ASB18: variants seen among roughly 807,000 people sequenced by gnomAD.
The protein encoded by ASB18 is ankyrin repeat and SOCS box protein 18.
Under a neutral mutation model 33.4 loss-of-function variants are expected in ASB18, and 33 were observed. That is an observed-to-expected ratio of 0.99 (90% CI 0.75 to 1.32). The LOEUF is 1.32. Ranked by LOEUF, ASB18 falls within the 40% of genes most tolerant of loss-of-function variation. The pLI is 0.00. For synonymous variants in ASB18, 295 were observed against 307.6 expected (o/e 0.96, Z 0.43); for missense variants, 694 against 655.5 (o/e 1.06, Z -0.64).
rs1448525717 is a variant in ASB18, at chr2:236,244,415, T to C, written c.206-3013A>G. Among the ~76,000 whole-genome samples the C allele has an allele frequency of 6.6e-6, 1 of 152,160 alleles. No homozygotes were observed. Among genetic ancestry groups the C allele is most frequent in the Non-Finnish European group, 1.5e-5 (1 of 68,028 alleles). The stretch of plus-strand genomic sequence containing the variant: ...AGCCAGTGTTAGACCTGGGGACCCA[T>C]GGGATCCCATCCCCACATGGTGTTG... On this transcript the variant is annotated intron_variant, in intron 1 of 5. Transcript: ENST00000409749. This position sits in a 1 kb window ranked among gnomAD's most constrained non-coding sequence, Gnocchi z 6.1.
chr2:236,195,055 C>T lies in ASB18; in HGVS notation c.1218G>A (p.Met406Ile). 6.2e-7 allele frequency: 1 copy of T among 1,606,370 alleles called. No individual in the cohort carries two copies. Among genetic ancestry groups the T allele is most frequent in the Non-Finnish European group, 8.5e-7 (1 of 1,175,168 alleles). The change falls in exon 6 of 6, where the codon ATG (methionine) becomes ATA (isoleucine). Residue 406 changes from methionine to isoleucine, a missense_variant and splice_region_variant. By Grantham distance (10) the Met-to-Ile change is conservative. Transcript: ENST00000409749. The surrounding 1 kb of genome is among the most constrained non-coding windows in gnomAD (Gnocchi z 5.5). ...KEVIPEEVFQMHKPFYQSLFA... is the reference protein window; with the variant it reads ...KEVIPEEVFQIHKPFYQSLFA... The stretch of plus-strand genomic sequence containing the variant: ...AGAGGGACTGGTAGAACGGCTTGTG[C>T]ATCTGGAAGGGAAGGCAGGTGGATT...
Position 236,259,994 on chromosome 2 carries a change from A to G in ASB18, c.205+4147T>C, listed in dbSNP as rs912582420. Among the ~76,000 whole-genome samples the G allele has an allele frequency of 6.6e-6, 1 of 152,166 alleles. No homozygotes were observed. Among genetic ancestry groups the G allele is most frequent in the Admixed American group, 6.5e-5 (1 of 15,280 alleles). On this transcript the variant is annotated intron_variant, in intron 1 of 5. Transcript: ENST00000409749. The surrounding 1 kb of genome is among the most constrained non-coding windows in gnomAD (Gnocchi z 4.4). ...TATGCTTTTTTTTGGTGATGTTGAC[A>G]TGGATGCATCAAAATAAATTCTGTT...
chr2:236,241,320 C>T lies in ASB18; in HGVS notation c.288G>A (p.Met96Ile). 6.2e-7 allele frequency: 1 copy of T among 1,613,668 alleles called. No individual in the cohort carries two copies. The highest frequency in any genetic ancestry group is 1.3e-5 in the African/African-American group (1 of 75,018). ...NVVFEINKDEMEWQVKSPATF... is the reference protein window; with the variant it reads ...NVVFEINKDEIEWQVKSPATF... ...TGGCTGGAGATTTCACCTGCCATTCCATCTCATCCTTATTGATCTCAAACA... is the reference window on the plus strand; with the variant it reads ...TGGCTGGAGATTTCACCTGCCATTCTATCTCATCCTTATTGATCTCAAACA... The change falls in exon 2 of 6, where the codon ATG becomes ATA. Residue 96 changes from methionine to isoleucine, a missense_variant. Coordinates refer to ENST00000409749, the MANE Select transcript of ASB18 (RefSeq NM_212556.4). The surrounding 1 kb of genome is among the most constrained non-coding windows in gnomAD (Gnocchi z 4.2).
At position 236,237,574 on chromosome 2, in the gene ASB18, T is replaced by C. The variant is rs1333566495; in HGVS notation, c.596+115A>G. The C allele has an allele frequency of 1.2e-5, 10 of 833,950 alleles. No individual in the cohort carries two copies. The Admixed American group carries it at 1.9e-4, about 16-fold the overall frequency. 51.7% of individuals were successfully genotyped at this position (833,950 alleles called of 1,614,324 possible). ...CAGAGTCAAGGGTGCAGGGTCTGGGTCCGGAGGCGGGGGCTGGGACGGAGG... is the reference window on the plus strand; with the variant it reads ...CAGAGTCAAGGGTGCAGGGTCTGGGCCCGGAGGCGGGGGCTGGGACGGAGG... On this transcript the variant is annotated intron_variant, in intron 3 of 5. Coordinates refer to ENST00000409749, the MANE Select transcript of ASB18 (RefSeq NM_212556.4). The surrounding 1 kb of genome is among the most constrained non-coding windows in gnomAD (Gnocchi z 6.2).
chr2:236,233,331 A>G (rs1023934911), intron 3 of ASB18, among the ~76,000 whole-genome samples: 2 of 152,118 alleles, frequency 1.3e-5, no homozygotes, highest in Non-Finnish European at 2.9e-5. Flanking sequence ...AGCTAATATC[A>G]TACTTAGTGG....
Position 236,250,053 on chromosome 2 carries a change from C to T in ASB18, c.206-8651G>A, listed in dbSNP as rs1366113637. On this transcript the variant is annotated intron_variant, in intron 1 of 5. Transcript: ENST00000409749. The surrounding 1 kb of genome is among the most constrained non-coding windows in gnomAD (Gnocchi z 4.1). Reference sequence around the variant, plus strand: ...GGTAGCTAATGAGAAGGAGTTTTTGCCTCTGGATCAAATGAGATGAAAAGG... The same window carrying T: ...GGTAGCTAATGAGAAGGAGTTTTTGTCTCTGGATCAAATGAGATGAAAAGG... 1 of 152,078 alleles carries T rather than the reference C, an allele frequency of 6.6e-6. No individual in the cohort carries two copies. 9.4% of individuals were successfully genotyped at this position (152,078 alleles called of 1,614,324 possible). A position where few individuals can be genotyped will look rare whatever the true frequency, so the allele number is the denominator to read the frequency against.
Position 236,204,716 on chromosome 2 carries a change from T to G in ASB18, c.1102-8331A>C, listed in dbSNP as rs2060424784. ...CATAACCTGCCCCATTCCCAAGTGATAGCAAACTCATTCTTGTAGTCTCTT... is the reference window on the plus strand; with the variant it reads ...CATAACCTGCCCCATTCCCAAGTGAGAGCAAACTCATTCTTGTAGTCTCTT... On this transcript the variant is annotated intron_variant, in intron 4 of 5. Transcript: ENST00000409749. The surrounding 1 kb of genome is among the most constrained non-coding windows in gnomAD (Gnocchi z 5.1). Among the ~76,000 whole-genome samples the G allele has an allele frequency of 6.6e-6, 1 of 152,088 alleles. No homozygotes were observed. The highest frequency in any genetic ancestry group is 2.4e-5 in the African/African-American group (1 of 41,394).
chr2:236,224,005 C>T (rs2106273224), intron 3 of ASB18, among the ~76,000 whole-genome samples: 1 of 152,044 alleles, frequency 6.6e-6, no homozygotes, highest in African/African-American at 2.4e-5. Flanking sequence ...TATAAGTCTT[C>T]CTGGGGACAT....
At chr2:236,261,922 C>T (rs6721058) in intron 1 of ASB18, among the ~76,000 whole-genome samples, 13,151 of 152,098 alleles carry the variant, frequency 0.086, 1,410 homozygotes, top group African/African-American at 0.26. Context: ...CCACAATAAT[C>T]GTATGGTGGA....
chr2:236,240,592 C>A (rs1483627342), intron 2 of ASB18, among the ~76,000 whole-genome samples: 3 of 152,192 alleles, frequency 2.0e-5, no homozygotes, highest in African/African-American at 7.2e-5. Context: ...GAGAAAGCCC[C>A]AGATGCAGCA....
chr2:236,261,482 T>G (rs1339140257), intron 1 of ASB18, among the ~76,000 whole-genome samples: 2 of 152,208 alleles, frequency 1.3e-5, no homozygotes, highest in African/African-American at 4.8e-5. Context: ...ACCCTTGTCC[T>G]GAAGTCCAGC....
intron 3 of ASB18, among the ~76,000 whole-genome samples, chr2:236,233,283 T>A (rs895073939): frequency 1.3e-5 from 2 of 151,484 alleles, no homozygotes; most frequent in African/African-American, 4.9e-5. Context: ...CAGAAGGGAG[T>A]TCTGTATCTC....
At position 236,243,667 on chromosome 2, in the gene ASB18, G is replaced by A. The variant is rs184929134; in HGVS notation, c.206-2265C>T. Among the ~76,000 whole-genome samples the A allele has an allele frequency of 1.9e-4, 27 of 138,680 alleles. 1 individual carries two copies. The Middle Eastern group carries it at 0.019, about 99-fold the overall frequency. 91.0% of individuals were successfully genotyped at this position (138,680 alleles called of 152,430 possible). ...GATCCCTAAATGTGCATCCCTTGCT[G>A]AAGATGAGTAATGCCACATTTTTTT... On this transcript the variant is annotated intron_variant, in intron 1 of 5. Transcript: ENST00000409749.
At chr2:236,207,149 CCT>C (rs1215509213) in intron 4 of ASB18, among the ~76,000 whole-genome samples, 1 of 152,350 alleles carries the variant, frequency 6.6e-6, no homozygotes, top group East Asian at 1.9e-4. Context: ...TCCCTTTCCC[CCT>C]GTCACCCAGG....
rs2060641742 is a variant in ASB18, at chr2:236,245,747, G to A, written c.206-4345C>T. Among the ~76,000 whole-genome samples the A allele has an allele frequency of 6.6e-6, 1 of 152,206 alleles. No homozygotes were observed. The highest frequency in any genetic ancestry group is 6.5e-5 in the Admixed American group (1 of 15,286). On this transcript the variant is annotated intron_variant, in intron 1 of 5. Coordinates refer to ENST00000409749, the MANE Select transcript of ASB18 (RefSeq NM_212556.4). The surrounding 1 kb of genome is among the most constrained non-coding windows in gnomAD (Gnocchi z 4.7). Reference sequence around the variant, plus strand: ...GCTTTTTTGGAGGACGGTGGGGGCTGCTGCTTCCTCTCTGGGAAGTTCTTC... The same window carrying A: ...GCTTTTTTGGAGGACGGTGGGGGCTACTGCTTCCTCTCTGGGAAGTTCTTC...
In ASB18 at chr2:236,214,304, C is replaced by A; in HGVS notation, c.1101+58G>T. ...GCCGCATGCAACCCAGCTCCCAGGC[C>A]GGTCACTAAGTGGCAAAACTCCAGG... On this transcript the variant is annotated intron_variant, in intron 4 of 5. Transcript: ENST00000409749. The surrounding 1 kb of genome is among the most constrained non-coding windows in gnomAD (Gnocchi z 6.5). The A allele has an allele frequency of 2.0e-6, 3 of 1,521,064 alleles. No homozygotes were observed. In the South Asian group the frequency reaches 3.7e-5, roughly 19 times the overall value. The allele number at this position is 1,521,064 out of a possible 1,614,324, so 94.2% of individuals were successfully genotyped here. A position where few individuals can be genotyped will look rare whatever the true frequency, so the allele number is the denominator to read the frequency against.
rs1227910320 is a variant in ASB18 at position 236,216,211 on chromosome 2, T to C, written c.597-1345A>G. Among the ~76,000 whole-genome samples the C allele has an allele frequency of 6.6e-6, 1 of 152,214 alleles. No homozygotes were observed. Among genetic ancestry groups the C allele is most frequent in the Non-Finnish European group, 1.5e-5 (1 of 68,030 alleles). On this transcript the variant is annotated intron_variant, in intron 3 of 5. Coordinates refer to ENST00000409749, the MANE Select transcript of ASB18 (RefSeq NM_212556.4). The surrounding 1 kb of genome is among the most constrained non-coding windows in gnomAD (Gnocchi z 6.1). ...TCTCAGCTGGGCCTCAGTTAACTGA[T>C]ATCTTTCAGTGTTAAGGCCACCTCC...
chr2:236,224,185 G>GTTTTTTTTTT (rs1161648778), intron 3 of ASB18, among the ~76,000 whole-genome samples: 4 of 66,804 alleles, frequency 6.0e-5, no homozygotes, highest in African/African-American at 8.1e-5. Flanking sequence ...GTGTTGTCAG[G>GTTTTTTTTTT]TTTTTTTTTT....
intron 3 of ASB18, among the ~76,000 whole-genome samples, chr2:236,233,721 G>T (rs1306699814): frequency 2.6e-5 from 4 of 152,124 alleles, no homozygotes; most frequent in Non-Finnish European, 5.9e-5. Flanking sequence ...TGCAAACCTT[G>T]TTCCCTAAAA....
Sources: allele counts gnomAD v4.1 joint callset (sites outside exome capture counted in the v4.1 genomes callset), GRCh38; gene constraint gnomAD v4.1.1; non-coding constraint Gnocchi (gnomAD v3.1); transcripts MANE v1.5; gene names NCBI Gene and HGNC (gene_info 2026-07-23, HGNC 2026-07-21).